RAP1GAP2: variants seen among roughly 807,000 people sequenced by gnomAD.
The protein encoded by RAP1GAP2 is rap1 GTPase-activating protein 2.
In RAP1GAP2, 27 loss-of-function variants were observed where a neutral mutation model predicts 95.0. That is an observed-to-expected ratio of 0.28 (90% CI 0.21 to 0.39). The LOEUF (loss-of-function observed/expected upper bound fraction) is 0.39, where lower values mean the gene tolerates loss of function less well. Ranked by LOEUF, RAP1GAP2 falls within the 10% of genes least tolerant of loss-of-function variation. The pLI, the probability that RAP1GAP2 is intolerant of heterozygous loss-of-function variation, is 1.00. For missense variants in RAP1GAP2, 771 were observed against 970.0 expected (o/e 0.79, Z 2.72); for synonymous variants, 373 against 380.9 (o/e 0.98, Z 0.24).
chr17:2,956,267 T>G (rs2044102013), intron 3 of RAP1GAP2, among the ~76,000 whole-genome samples: 2 of 152,208 alleles, frequency 1.3e-5, no homozygotes, highest in South Asian at 4.1e-4. Flanking sequence ...CCCCTGTACA[T>G]TCACACGTGG....
chr17:2,963,080 A>C lies in RAP1GAP2; in HGVS notation c.247-350A>C. ...GCTTCCCAACCCAGGGGTGCCGCTT[A>C]TCACTTGGAGGTCAGTCCGCCTGCC... On this transcript the variant is annotated intron_variant, in intron 5 of 24. Coordinates refer to ENST00000254695, the MANE Select transcript of RAP1GAP2 (RefSeq NM_015085.5). This position sits in a 1 kb window ranked among gnomAD's most constrained non-coding sequence, Gnocchi z 4.8. The C allele has an allele frequency of 3.8e-6, 2 of 522,382 alleles. No homozygotes were observed. The highest frequency in any genetic ancestry group is 6.8e-6 in the Non-Finnish European group (2 of 294,678). The allele number at this position is 522,382 out of a possible 1,614,324, so 32.4% of individuals were successfully genotyped here. A position where few individuals can be genotyped will look rare whatever the true frequency, so the allele number is the denominator to read the frequency against.
Position 3,018,155 on chromosome 17 carries a change from G to A in RAP1GAP2, c.1589G>A (p.Gly530Asp). The change falls in exon 18 of 25, where the codon GGC becomes GAC. Residue 530 changes from glycine to aspartate, a missense_variant. Gly to Asp is a moderately conservative substitution (Grantham distance 94). Coordinates refer to ENST00000254695, the MANE Select transcript of RAP1GAP2 (RefSeq NM_015085.5). ...GGCATCCCTGGCAGCCTCAGCGGGG[G>A]CATCTCCCACAACAGCATGGAGGTC... ...SGGIPGSLSGGISHNSMEVTK... is the reference protein window; with the variant it reads ...SGGIPGSLSGDISHNSMEVTK... 6.3e-7 allele frequency: 1 copy of A among 1,579,182 alleles called. No individual in the cohort carries two copies. Among genetic ancestry groups the A allele is most frequent in the Non-Finnish European group, 8.6e-7 (1 of 1,163,276 alleles).
chr17:2,835,312 C>T (rs555869336), intron 2 of RAP1GAP2, among the ~76,000 whole-genome samples: 6 of 152,276 alleles, frequency 3.9e-5, no homozygotes, highest in East Asian at 1.9e-4. Context: ...CTCCACCTCA[C>T]GGGTTCAAGC....
intron 2 of RAP1GAP2, among the ~76,000 whole-genome samples, chr17:2,895,860 G>T (rs1483816251): frequency 2.0e-5 from 3 of 152,058 alleles, no homozygotes; most frequent in Non-Finnish European, 4.4e-5. Flanking sequence ...TTACATCTGT[G>T]AGCCACCGCG....
chr17:3,022,565 T>TAA (rs904948424), intron 19 of RAP1GAP2, among the ~76,000 whole-genome samples: 55 of 152,238 alleles, frequency 3.6e-4, no homozygotes, highest in African/African-American at 1.3e-3. Flanking sequence ...TTCTTGCCCT[T>TAA]AAAAAAATCA....
chr17:2,880,008 T>C (rs1476634968), intron 2 of RAP1GAP2, among the ~76,000 whole-genome samples: 2 of 152,074 alleles, frequency 1.3e-5, no homozygotes, highest in African/African-American at 4.8e-5. Context: ...CCTGCCCTCC[T>C]GGAGCTCACC....
At chr17:2,764,496 G>C (rs2068241104) in intron 1 of RAP1GAP2, among the ~76,000 whole-genome samples, 1 of 152,096 alleles carries the variant, frequency 6.6e-6, no homozygotes, top group African/African-American at 2.4e-5. Flanking sequence ...GCCGAGGCGG[G>C]TGGATCATGA....
intron 2 of RAP1GAP2, among the ~76,000 whole-genome samples, chr17:2,901,365 C>G (rs1192859019): frequency 6.6e-6 from 1 of 152,172 alleles, no homozygotes; most frequent in Non-Finnish European, 1.5e-5. Context: ...TGGCTTCTCT[C>G]CATCCTCCTT....
At chr17:2,932,240 G>T (rs2043178802) in intron 3 of RAP1GAP2, among the ~76,000 whole-genome samples, 2 of 152,166 alleles carry the variant, frequency 1.3e-5, no homozygotes, top group African/African-American at 4.8e-5. Context: ...CGCTGAAGCA[G>T]AGGGTGCCTG....
At chr17:2,936,181 C>T (rs1458103109) in intron 3 of RAP1GAP2, among the ~76,000 whole-genome samples, 8 of 150,578 alleles carry the variant, frequency 5.3e-5, no homozygotes, top group Admixed American at 1.3e-4. Flanking sequence ...TATGTATACA[C>T]GTGCCATGTT....
intron 1 of RAP1GAP2, 126 bp from the exon 2 acceptor site, chr17:2,800,389 T>C: frequency 2.9e-6 from 4 of 1,356,206 alleles, no homozygotes; most frequent in South Asian, 2.5e-5. Context: ...CTGGCCCCTT[T>C]AGCCAGTCCC....
intron 3 of RAP1GAP2, among the ~76,000 whole-genome samples, chr17:2,907,832 G>C (rs1399504772): frequency 6.6e-6 from 1 of 152,086 alleles, no homozygotes; most frequent in Non-Finnish European, 1.5e-5. Context: ...TTTTGAGACA[G>C]AGCCTTGCTC....
chr17:3,030,998 G>A lies in RAP1GAP2; in HGVS notation c.2184G>A (p.Ala728=). 2 of 1,601,602 alleles carry A rather than the reference G, an allele frequency of 1.2e-6. No individual in the cohort carries two copies. The highest frequency in any genetic ancestry group is 8.5e-7 in the Non-Finnish European group (1 of 1,173,532). The change falls in exon 23 of 25, where the codon GCG becomes GCA. Residue 728 remains alanine, a splice_region_variant and synonymous_variant. Transcript: ENST00000254695. ...AGCTCAGCCATGCCAGCTCTGGTGC[G>A]GTAAGGATGCGCCTCCCACACCCCA... The part of the protein sequence containing the change: ...FDKLSHASSG[A]GH
chr17:2,770,555 A>G (rs1321142359), intron 2 of RAP1GAP2: 6 of 397,334 alleles, frequency 1.5e-5, no homozygotes, highest in African/African-American at 8.2e-5. Context: ...ACCATGGGGA[A>G]CTTTGCCCTC....
rs979584342 is a variant in RAP1GAP2 at position 2,919,020 on chromosome 17, G to A, written c.165+13652G>A. Among the ~76,000 whole-genome samples, 8 of 152,118 alleles carry A rather than the reference G, an allele frequency of 5.3e-5. 1 individual carries two copies. The highest frequency in any genetic ancestry group is 1.4e-4 in the African/African-American group (6 of 41,416). ...CTAGGGGGAAGTACACCAGGTTTTC[G>A]GTGAATATAGTTTGTCAGGACGCCC... is the stretch of plus-strand genomic sequence containing the variant. On this transcript the variant is annotated intron_variant, in intron 3 of 24. Coordinates refer to ENST00000254695, the MANE Select transcript of RAP1GAP2 (RefSeq NM_015085.5).
intron 1 of RAP1GAP2, among the ~76,000 whole-genome samples, chr17:2,768,995 G>C (rs913895183): frequency 6.6e-6 from 1 of 151,704 alleles, no homozygotes; most frequent in Non-Finnish European, 1.5e-5. Context: ...GGGAGGCCCA[G>C]GCAGGAAGAT....
chr17:2,810,514 C>T (rs1364272433), intron 2 of RAP1GAP2, among the ~76,000 whole-genome samples: 18 of 148,670 alleles, frequency 1.2e-4, no homozygotes, highest in African/African-American at 4.2e-4. Context: ...CTCCCCTGTC[C>T]CCCCACCCTT....
At chr17:3,031,740 C>T (rs974294915) in intron 23 of RAP1GAP2, among the ~76,000 whole-genome samples, 18 of 147,604 alleles carry the variant, frequency 1.2e-4, no homozygotes, top group Admixed American at 8.0e-4. Context: ...TCCTGGGTCC[C>T]GAATCCCTTC....
intron 1 of RAP1GAP2, among the ~76,000 whole-genome samples, chr17:2,769,394 A>G (rs2068345403): frequency 1.3e-5 from 2 of 151,326 alleles, no homozygotes; most frequent in African/African-American, 4.8e-5. Flanking sequence ...TCTGTACTAA[A>G]AATACAAAAA....
Sources: gnomAD v4.1 joint callset for allele counts (sites outside exome capture counted in the v4.1 genomes callset) on GRCh38, gnomAD v4.1.1 for gene constraint, Gnocchi (gnomAD v3.1) non-coding constraint, MANE v1.5 for transcripts, NCBI Gene and HGNC (gene_info 2026-07-23, HGNC 2026-07-21) for gene names.